VOPP1: variants seen among roughly 807,000 people sequenced by gnomAD.
The protein encoded by VOPP1 is VOPP1 WW domain binding protein, also known as WW domain binding protein VOPP1.
Under a neutral mutation model 23.5 loss-of-function variants are expected in VOPP1, and 8 were observed. The observed-to-expected ratio is 0.34, with a 90% CI of 0.20 to 0.61. The LOEUF is 0.61. Among genes scored for constraint, VOPP1 ranks in the 20% least tolerant of loss-of-function variants. VOPP1 has a pLI of 0.78. For synonymous variants in VOPP1, 83 were observed against 97.3 expected (o/e 0.85, Z 0.86); for missense variants, 174 against 238.1 (o/e 0.73, Z 1.77).
chr7:55,544,658 T>C (rs1334614876), intron 1 of VOPP1, among the ~76,000 whole-genome samples: 1 of 152,216 alleles, frequency 6.6e-6, no homozygotes, highest in Non-Finnish European at 1.5e-5. Context: ...AACTGACGAA[T>C]GTAATCTAAC....
chr7:55,486,043 G>C (rs1247508171), intron 4 of VOPP1, among the ~76,000 whole-genome samples: 2 of 152,232 alleles, frequency 1.3e-5, no homozygotes, highest in Non-Finnish European at 1.5e-5. Context: ...CGTGCAGTGT[G>C]TCCCTCCAGA....
chr7:55,558,313 C>T (rs1253821589), intron 1 of VOPP1, among the ~76,000 whole-genome samples: 6 of 152,062 alleles, frequency 3.9e-5, no homozygotes, highest in Non-Finnish European at 8.8e-5. Flanking sequence ...TATCTCCAAA[C>T]TCATCAAGCT....
chr7:55,498,321 C>T (rs1227085324), intron 2 of VOPP1, among the ~76,000 whole-genome samples: 1 of 152,228 alleles, frequency 6.6e-6, no homozygotes, highest in Non-Finnish European at 1.5e-5. Flanking sequence ...TATCACTGCT[C>T]ACGCTGCCTC....
intron 3 of VOPP1, among the ~76,000 whole-genome samples, chr7:55,495,801 C>A (rs772850647): frequency 3.9e-5 from 6 of 152,218 alleles, no homozygotes; most frequent in Non-Finnish European, 8.8e-5. Context: ...TAAGCTCACA[C>A]CCCCAGGTGC....
Position 55,497,479 on chromosome 7 carries a change from A to G in VOPP1, c.191+134T>C, listed in dbSNP as rs930382111. ...TCATGAAGCCAACCCAAACATACCC[A>G]TTTTCCTGACCAAGGCTGTCCTTGA... On this transcript the variant is annotated intron_variant, in intron 3 of 4. Coordinates refer to ENST00000285279, the MANE Select transcript of VOPP1 (RefSeq NM_030796.5). 35 of 755,016 alleles carry G rather than the reference A, an allele frequency of 4.6e-5. No homozygotes were observed. The Middle Eastern group carries it at 1.1e-3, about 25-fold the overall frequency. The allele number at this position is 755,016 out of a possible 1,614,324, so 46.8% of individuals were successfully genotyped here.
At chr7:55,469,300 C>A (rs1203793116), downstream of VOPP1, among the ~76,000 whole-genome samples, 1 of 152,090 alleles carries the variant, frequency 6.6e-6, no homozygotes, top group Non-Finnish European at 1.5e-5. Context: ...AGGCTCAGCC[C>A]AGGCCTGAAG....
intron 4 of VOPP1, among the ~76,000 whole-genome samples, chr7:55,460,929 T>C (rs1396589778): frequency 1.3e-5 from 2 of 152,154 alleles, no homozygotes; most frequent in Non-Finnish European, 1.5e-5. Flanking sequence ...TAAAAATGCA[T>C]TCAGTGGCAC....
In VOPP1 at chr7:55,447,147, G is replaced by C. The variant is rs375171064; in HGVS notation, n.418-10973C>G. Among the ~76,000 whole-genome samples the C allele has an allele frequency of 5.3e-5, 8 of 152,332 alleles. No homozygotes were observed. The East Asian group carries it at 1.2e-3, about 22-fold the overall frequency. ...GTCATGTGATGCCCCTGCTGCAAGGGAGACTGGACAACTGAAAATGATAGG... is the reference window on the plus strand; with the variant it reads ...GTCATGTGATGCCCCTGCTGCAAGGCAGACTGGACAACTGAAAATGATAGG... On this transcript the variant is annotated intron_variant and non_coding_transcript_variant, in intron 4 of 4. Coordinates refer to the VOPP1 transcript ENST00000462326.
chr7:55,546,978 TC>T (rs1215273481), intron 1 of VOPP1, among the ~76,000 whole-genome samples: 1 of 152,018 alleles, frequency 6.6e-6, no homozygotes, highest in African/African-American at 2.4e-5. Context: ...GATGAGCGAG[TC>T]AGAGCAGAGA....
At chr7:55,505,983 C>T (rs1175790281) in intron 2 of VOPP1, among the ~76,000 whole-genome samples, 1 of 152,198 alleles carries the variant, frequency 6.6e-6, no homozygotes, top group Admixed American at 6.5e-5. Flanking sequence ...CATAAAAGAC[C>T]AACCCAATAG....
At chr7:55,509,099 G>A (rs1794912129) in intron 2 of VOPP1, among the ~76,000 whole-genome samples, 1 of 151,968 alleles carries the variant, frequency 6.6e-6, no homozygotes, top group Non-Finnish European at 1.5e-5. Flanking sequence ...AATCACACAG[G>A]CATGATAAAT....
At chr7:55,439,714 G>A (rs781521308) in intron 4 of VOPP1, among the ~76,000 whole-genome samples, 15 of 152,366 alleles carry the variant, frequency 9.8e-5, no homozygotes, top group South Asian at 2.1e-4. Flanking sequence ...AGCAGTGGGC[G>A]CTGCCTCTGA....
intron 1 of VOPP1, among the ~76,000 whole-genome samples, chr7:55,568,768 G>C (rs1304177310): frequency 6.6e-6 from 1 of 152,208 alleles, no homozygotes; most frequent in African/African-American, 2.4e-5. Context: ...GGATTCAACT[G>C]AAGTGTAGTC....
intron 4 of VOPP1, among the ~76,000 whole-genome samples, chr7:55,447,498 A>C (rs1249735195): frequency 2.0e-5 from 3 of 152,188 alleles, no homozygotes; most frequent in Non-Finnish European, 2.9e-5. Flanking sequence ...CTGACCCCAG[A>C]GTGATGCCGC....
At chr7:55,568,446 G>A (rs1453818485) in intron 1 of VOPP1, among the ~76,000 whole-genome samples, 1 of 152,184 alleles carries the variant, frequency 6.6e-6, no homozygotes, top group Non-Finnish European at 1.5e-5. Flanking sequence ...ACAAAGCAAC[G>A]TGGCTTAAGC....
At chr7:55,539,160 A>G (rs946732963) in intron 1 of VOPP1, among the ~76,000 whole-genome samples, 1 of 152,104 alleles carries the variant, frequency 6.6e-6, no homozygotes, top group African/African-American at 2.4e-5. Context: ...CCTGGGCAAC[A>G]TGGTGAAACC....
At chr7:55,514,240 C>T (rs919165997) in intron 2 of VOPP1, among the ~76,000 whole-genome samples, 2 of 152,238 alleles carry the variant, frequency 1.3e-5, no homozygotes, top group African/African-American at 4.8e-5. Flanking sequence ...CTACAACACA[C>T]ATGCCTGCTC....
intron 2 of VOPP1, among the ~76,000 whole-genome samples, chr7:55,517,120 T>C (rs957219196): frequency 6.6e-6 from 1 of 150,668 alleles, no homozygotes; most frequent in African/African-American, 2.4e-5. Context: ...ATATATATTT[T>C]TTTATTTTAG....
chr7:55,521,301 T>C (rs1795837493), intron 1 of VOPP1, among the ~76,000 whole-genome samples, 171 bp from the exon 2 acceptor site: 1 of 152,184 alleles, frequency 6.6e-6, no homozygotes, highest in Non-Finnish European at 1.5e-5. Context: ...TCTCATGACT[T>C]TCTATTTCTT....
Sources: allele counts gnomAD v4.1 joint callset (sites outside exome capture counted in the v4.1 genomes callset), GRCh38; gene constraint gnomAD v4.1.1; transcripts MANE v1.5; gene names NCBI Gene and HGNC (gene_info 2026-07-23, HGNC 2026-07-21).